RBFOX3: variants seen among roughly 807,000 people sequenced by gnomAD.
RBFOX3 encodes the protein RNA binding protein fox-1 homolog 3.
Under a neutral mutation model 48.7 loss-of-function variants are expected in RBFOX3, and 17 were observed. The observed-to-expected ratio is 0.35, with a 90% CI of 0.24 to 0.52. The LOEUF (loss-of-function observed/expected upper bound fraction) is 0.52, where lower values mean the gene tolerates loss of function less well. RBFOX3 is among the 20% of genes least tolerant of loss of function. The pLI is 0.94. For synonymous variants in RBFOX3, 212 were observed against 209.5 expected, an observed-to-expected ratio of 1.01 and a Z score of -0.10; for missense variants, 382 against 497.5, an observed-to-expected ratio of 0.77 and a Z score of 2.21.
At chr17:79,217,267 C>T (rs28737390) in intron 4 of RBFOX3, among the ~76,000 whole-genome samples, 30,959 of 152,228 alleles carry the variant, frequency 0.2, 3,778 homozygotes, top group South Asian at 0.34. Context: ...AACAATATCT[C>T]CAGTGCTGCC....
At chr17:79,120,091 G>A (rs953855545) in intron 4 of RBFOX3, among the ~76,000 whole-genome samples, 2 of 152,136 alleles carry the variant, frequency 1.3e-5, no homozygotes, top group African/African-American at 2.4e-5. Flanking sequence ...TGGTGTGAGC[G>A]GAGGAGTTCC....
intron 1 of RBFOX3, among the ~76,000 whole-genome samples, chr17:79,504,042 TCCAGGTGGCAGGGTGCTCA>T (rs2082739017): frequency 6.6e-6 from 1 of 150,380 alleles, no homozygotes; most frequent in African/African-American, 2.5e-5. Context: ...GGCAGGGTGC[TCCAGGTGGCAGGGTGCTCA>T]CCTCGAGCTC....
At chr17:79,470,999 G>A (rs2076992463) in intron 2 of RBFOX3, among the ~76,000 whole-genome samples, 1 of 150,400 alleles carries the variant, frequency 6.6e-6, no homozygotes, top group Non-Finnish European at 1.5e-5. Flanking sequence ...TTCTAGCTCT[G>A]TGATGCACCA....
rs1464831488 is a variant in RBFOX3, at chr17:79,304,192, A to T, written c.-74+3532T>A. 2.0e-5 allele frequency among the ~76,000 whole-genome samples: 3 copies of T among 152,104 alleles called. No individual in the cohort carries two copies. In the East Asian group the frequency reaches 5.8e-4, roughly 29 times the overall value. ...GGTTAATGCCTGTCTTAGTACTTGC[A>T]AACAGGCTTGAGGGACTGGTTATGG... On this transcript the variant is annotated intron_variant, in intron 3 of 14. Transcript: ENST00000693108.
At chr17:79,229,002 C>T (rs191625677) in intron 4 of RBFOX3, among the ~76,000 whole-genome samples, 168 of 146,356 alleles carry the variant, frequency 1.1e-3, no homozygotes, top group African/African-American at 4.0e-3. Context: ...CCGAGATGGG[C>T]GGATCACTTG....
intron 4 of RBFOX3, among the ~76,000 whole-genome samples, 194 bp from the exon 5 acceptor site, chr17:79,115,942 G>C (rs1374982816): frequency 6.6e-6 from 1 of 152,208 alleles, no homozygotes; most frequent in Non-Finnish European, 1.5e-5. Flanking sequence ...GGAATGCCGG[G>C]GAGCCTGGCT....
At chr17:79,170,158 GAGGAAGGAGGA>G (rs2048954748) in intron 4 of RBFOX3, among the ~76,000 whole-genome samples, 1 of 151,190 alleles carries the variant, frequency 6.6e-6, no homozygotes, top group Non-Finnish European at 1.5e-5. Flanking sequence ...AGGAAGGGAG[GAGGAAGGAGGA>G]AGGAAGGGGA....
intron 10 of RBFOX3, 101 bp downstream of exon 10, chr17:79,097,591 C>A: frequency 7.0e-7 from 1 of 1,434,400 alleles, no homozygotes; most frequent in Non-Finnish European, 9.4e-7. Flanking sequence ...CGGGGACGGC[C>A]CACCTGGCCC....
chr17:79,592,893 C>A (rs1250034537), intron 1 of RBFOX3, among the ~76,000 whole-genome samples: 9 of 152,202 alleles, frequency 5.9e-5, no homozygotes, highest in Admixed American at 5.9e-4. Context: ...CTTCTCCCTG[C>A]CCAGAAGGAA....
chr17:79,229,871 G>A (rs2060795218), intron 4 of RBFOX3, among the ~76,000 whole-genome samples: 1 of 152,202 alleles, frequency 6.6e-6, no homozygotes, highest in Admixed American at 6.5e-5. Flanking sequence ...TGTAGAATAG[G>A]GACACCATTC....
At chr17:79,219,075 G>A (rs1027595148) in intron 4 of RBFOX3, among the ~76,000 whole-genome samples, 2 of 152,240 alleles carry the variant, frequency 1.3e-5, no homozygotes, top group Non-Finnish European at 2.9e-5. Context: ...GCACCTGTGC[G>A]GGGTCAGGCC....
rs1555723571 is a variant in RBFOX3, at chr17:79,423,052, C to T, written c.-175+59402G>A. Among the ~76,000 whole-genome samples, 1 of 152,174 alleles carries T rather than the reference C, an allele frequency of 6.6e-6. No individual in the cohort carries two copies. The highest frequency in any genetic ancestry group is 6.5e-5 in the Admixed American group (1 of 15,286). ...CAGGCCGGCCCCTGCGACGGGACTTCGGGTGCCCCGTGTGCCACGAACTCC... is the reference window on the plus strand; with the variant it reads ...CAGGCCGGCCCCTGCGACGGGACTTTGGGTGCCCCGTGTGCCACGAACTCC... On this transcript the variant is annotated intron_variant, in intron 2 of 14. Coordinates refer to ENST00000693108, the MANE Select transcript of RBFOX3 (RefSeq NM_001350451.2). This position sits in a 1 kb window ranked among gnomAD's most constrained non-coding sequence, Gnocchi z 4.9.
At chr17:79,651,793 C>T in the RBFOX3 span, among the ~76,000 whole-genome samples, 1 of 145,594 alleles carries the variant, frequency 6.9e-6, no homozygotes, top group Admixed American at 6.9e-5. Context: ...ATCCTTCTCC[C>T]TCTCCTTCTC....
rs117935305 is a variant in RBFOX3, at chr17:79,183,046, C to G, written c.-34+52720G>C. Among the ~76,000 whole-genome samples the G allele has an allele frequency of 8.3e-3, 1,231 of 149,086 alleles. 18 individuals carry two copies. The highest frequency in any genetic ancestry group is 0.028 in the African/African-American group (1,159 of 41,004). On this transcript the variant is annotated intron_variant, in intron 4 of 14. Coordinates refer to ENST00000693108, the MANE Select transcript of RBFOX3 (RefSeq NM_001350451.2). ...AGCGACGCCCCAAACTCCGGCCCCC[C>G]CGCCTCGCGCCGCGCGCGCCCTGGG...
chr17:79,238,475 G>T (rs535689740), intron 3 of RBFOX3, among the ~76,000 whole-genome samples: 1 of 152,144 alleles, frequency 6.6e-6, no homozygotes, highest in Non-Finnish European at 1.5e-5. Context: ...CTCTCTTCCC[G>T]AACACCTCCG....
the RBFOX3 span, among the ~76,000 whole-genome samples, chr17:79,664,083 C>T: frequency 6.6e-6 from 1 of 152,004 alleles, no homozygotes. Context: ...CACCTCTGCT[C>T]GGGTGGGAGA....
In RBFOX3 at chr17:79,220,055, A is replaced by T. The variant is rs2059535789; in HGVS notation, c.-34+15711T>A. 7.3e-6 allele frequency among the ~76,000 whole-genome samples: 1 copy of T among 136,578 alleles called. No homozygotes were observed. The highest frequency in any genetic ancestry group is 2.8e-4 in the South Asian group (1 of 3,558). 89.6% of individuals were successfully genotyped at this position (136,578 alleles called of 152,430 possible). A position where few individuals can be genotyped will look rare whatever the true frequency, so the allele number is the denominator to read the frequency against. On this transcript the variant is annotated intron_variant, in intron 4 of 14. Coordinates refer to ENST00000693108, the MANE Select transcript of RBFOX3 (RefSeq NM_001350451.2). This position sits in a 1 kb window ranked among gnomAD's most constrained non-coding sequence, Gnocchi z 5.9. ...ACCCCTGCCTGCTGGGCCCTGGGGG[A>T]AGGGTGGCATGGCCTGGGAAGGCAC...
chr17:79,137,746 G>A (rs1266524883), intron 4 of RBFOX3, among the ~76,000 whole-genome samples: 2 of 152,218 alleles, frequency 1.3e-5, no homozygotes, highest in East Asian at 3.8e-4. Flanking sequence ...ATCTTCAGCT[G>A]ATTAAATGTC....
intron 2 of RBFOX3, among the ~76,000 whole-genome samples, chr17:79,475,546 T>A (rs2077609382): frequency 1.3e-5 from 2 of 152,194 alleles, no homozygotes; most frequent in Non-Finnish European, 2.9e-5. Flanking sequence ...CCTGGGAATG[T>A]GGCCTTAGTT....
Sources: allele counts gnomAD v4.1 joint callset (sites outside exome capture counted in the v4.1 genomes callset), GRCh38; gene constraint gnomAD v4.1.1; non-coding constraint Gnocchi (gnomAD v3.1); transcripts MANE v1.5; gene names NCBI Gene and HGNC (gene_info 2026-07-23, HGNC 2026-07-21).